Variants in KDM4C observed in about 807,000 individuals in gnomAD.
KDM4C encodes the protein lysine demethylase 4C.
Under a neutral mutation model 129.3 loss-of-function variants are expected in KDM4C, and 81 were observed. The observed-to-expected ratio is 0.63, with a 90% CI of 0.52 to 0.75. The LOEUF (loss-of-function observed/expected upper bound fraction) is 0.75, where lower values mean the gene tolerates loss of function less well. Among genes scored for constraint, KDM4C ranks in the 30% least tolerant of loss-of-function variants. KDM4C has a pLI of 0.00. For synonymous variants in KDM4C, 573 were observed against 456.1 expected (o/e 1.26, Z -3.26); for missense variants, 1,457 against 1,304.0 (o/e 1.12, Z -1.81).
chr9:6,993,137 A>AT (rs985311552), intron 12 of KDM4C, among the ~76,000 whole-genome samples: 12 of 152,258 alleles, frequency 7.9e-5, no homozygotes, highest in African/African-American at 2.6e-4. Context: ...CCGGGAAAAG[A>AT]TTTTCCATGT....
At chr9:7,105,372 T>C (rs1564123756) in intron 18 of KDM4C, 1 of 458,134 alleles carries the variant, frequency 2.2e-6, no homozygotes, top group Non-Finnish European at 4.6e-6. Flanking sequence ...CTATAAAACA[T>C]GGTATCCCAC....
chr9:6,999,297 C>G (rs767734313), intron 12 of KDM4C, among the ~76,000 whole-genome samples: 117 of 152,138 alleles, frequency 7.7e-4, no homozygotes, highest in Middle Eastern at 6.8e-3. Context: ...ATATGTTGAC[C>G]AAATATAATG....
At chr9:7,110,821 C>G (rs1838238817) in intron 18 of KDM4C, among the ~76,000 whole-genome samples, 1 of 152,214 alleles carries the variant, frequency 6.6e-6, no homozygotes, top group South Asian at 2.1e-4. Flanking sequence ...AATACAGCCA[C>G]TTTTCTAAGA....
chr9:6,733,267 A>G (rs1269858907), intron 1 of KDM4C, among the ~76,000 whole-genome samples: 3 of 152,352 alleles, frequency 2.0e-5, no homozygotes, highest in Non-Finnish European at 4.4e-5. Context: ...TGAAAACATC[A>G]TGGATGCTGG....
chr9:6,898,134 A>T (rs1050044261), intron 8 of KDM4C, among the ~76,000 whole-genome samples: 5 of 152,222 alleles, frequency 3.3e-5, no homozygotes, highest in African/African-American at 7.2e-5. Flanking sequence ...CACTGCATTC[A>T]TTAGCTTCAC....
At chr9:6,860,102 C>T (rs1289165226) in intron 5 of KDM4C, among the ~76,000 whole-genome samples, 1 of 152,116 alleles carries the variant, frequency 6.6e-6, no homozygotes, top group Non-Finnish European at 1.5e-5. Context: ...ACGTGCTCCT[C>T]ATTTTGGGGG....
At chr9:7,153,395 G>A (rs1055514430) in intron 19 of KDM4C, among the ~76,000 whole-genome samples, 1 of 152,172 alleles carries the variant, frequency 6.6e-6, no homozygotes, top group Non-Finnish European at 1.5e-5. Context: ...CCGGTGCTTG[G>A]TGACTTTATT....
At chr9:6,903,286 A>G (rs1487731391) in intron 8 of KDM4C, among the ~76,000 whole-genome samples, 1 of 152,246 alleles carries the variant, frequency 6.6e-6, no homozygotes, top group Non-Finnish European at 1.5e-5. Flanking sequence ...TTATTGAAAT[A>G]GCATGAAAAC....
chr9:6,748,775 C>A, intron 1 of KDM4C: 2 of 1,445,112 alleles, frequency 1.4e-6, no homozygotes, highest in Non-Finnish European at 1.9e-6. Context: ...GTTTTCTTGA[C>A]TTTGTTTTCG....
chr9:6,839,573 GTTT>G (rs1246736856), intron 4 of KDM4C, among the ~76,000 whole-genome samples: 1 of 151,802 alleles, frequency 6.6e-6, no homozygotes, highest in Non-Finnish European at 1.5e-5. Flanking sequence ...AAAAATGAGT[GTTT>G]TTTACTTAAA....
chr9:7,051,210 A>G (rs1830108050), intron 17 of KDM4C, among the ~76,000 whole-genome samples: 1 of 152,194 alleles, frequency 6.6e-6, no homozygotes, highest in Non-Finnish European at 1.5e-5. Context: ...CTTTAGTGGA[A>G]TAATAATACG....
At chr9:7,043,833 C>T (rs1828978790) in intron 15 of KDM4C, among the ~76,000 whole-genome samples, 1 of 152,102 alleles carries the variant, frequency 6.6e-6, no homozygotes, top group East Asian at 1.9e-4. Flanking sequence ...TGTCAACTCA[C>T]TAAAGCTTGC....
chr9:6,942,403 C>CTTTTTTCTA (rs1188270142), intron 8 of KDM4C: 1 of 143,154 alleles, frequency 7.0e-6, no homozygotes. Context: ...GCCTCTTTGT[C>CTTTTTTCTA]TTTTTTCTAT....
At chr9:6,951,795 A>G (rs1828197102) in intron 8 of KDM4C, among the ~76,000 whole-genome samples, 1 of 152,252 alleles carries the variant, frequency 6.6e-6, no homozygotes, top group South Asian at 2.1e-4. Context: ...AAAAATTTGT[A>G]TGATTTACTT....
At chr9:7,012,554 C>G (rs1390006431) in intron 13 of KDM4C, among the ~76,000 whole-genome samples, 1 of 152,176 alleles carries the variant, frequency 6.6e-6, no homozygotes, top group African/African-American at 2.4e-5. Flanking sequence ...TCTCTTTTCA[C>G]CTTCCCATGT....
In KDM4C at chr9:7,174,539, C is replaced by G; in HGVS notation, c.2995-14C>G. On this transcript the variant is annotated splice_polypyrimidine_tract_variant and intron_variant, in intron 21 of 21. Coordinates refer to ENST00000381309, the MANE Select transcript of KDM4C (RefSeq NM_015061.6). ...TGCCGTGCCCTTTTGCAATATAACA[C>G]CAGCTGCTTTTAGTCCACAGCCTCT... 2 of 1,613,386 alleles carry G rather than the reference C, an allele frequency of 1.2e-6. No individual in the cohort carries two copies. The highest frequency in any genetic ancestry group is 1.7e-6 in the Non-Finnish European group (2 of 1,179,392).
At chr9:6,891,403 G>A (rs1563768137) in intron 7 of KDM4C, among the ~76,000 whole-genome samples, 1 of 152,182 alleles carries the variant, frequency 6.6e-6, no homozygotes, top group Non-Finnish European at 1.5e-5. Context: ...GAAGAATTCA[G>A]TAACAAAAGA....
At chr9:6,998,204 G>C (rs553773435) in intron 12 of KDM4C, among the ~76,000 whole-genome samples, 1 of 152,330 alleles carries the variant, frequency 6.6e-6, no homozygotes, top group African/African-American at 2.4e-5. Flanking sequence ...ATTAGATTAA[G>C]AGTGTATTTC....
intron 3 of KDM4C, 124 bp from the exon 4 acceptor site, chr9:6,814,507 G>A: frequency 1.8e-6 from 1 of 550,924 alleles, no homozygotes; most frequent in South Asian, 2.9e-5. Context: ...TGTTAGAATT[G>A]ACAACATGCA....
Sources: allele counts gnomAD v4.1 joint callset (sites outside exome capture counted in the v4.1 genomes callset), GRCh38; gene constraint gnomAD v4.1.1; transcripts MANE v1.5; gene names NCBI Gene and HGNC (gene_info 2026-07-23, HGNC 2026-07-21).